GRM1: variants seen among roughly 807,000 people sequenced by gnomAD.
The protein encoded by GRM1 is glutamate metabotropic receptor 1.
In GRM1, 33 loss-of-function variants were observed where a neutral mutation model predicts 90.9. The observed-to-expected ratio is 0.36, with a 90% CI of 0.28 to 0.49. The LOEUF (loss-of-function observed/expected upper bound fraction) is 0.49. GRM1 is among the 20% of genes least tolerant of loss of function. GRM1 has a pLI of 0.99. For missense variants in GRM1, 1,190 were observed against 1,534.3 expected (o/e 0.78, Z 3.75); for synonymous variants, 700 against 613.2 (o/e 1.14, Z -2.09).
chr6:146,071,456 A>G (rs556630545), intron 1 of GRM1, among the ~76,000 whole-genome samples: 1 of 152,214 alleles, frequency 6.6e-6, no homozygotes, highest in Non-Finnish European at 1.5e-5. Context: ...CATGCTTAAT[A>G]TAGTTATATA....
chr6:146,403,303 T>G (rs569630070), intron 7 of GRM1, among the ~76,000 whole-genome samples: 50 of 152,232 alleles, frequency 3.3e-4, no homozygotes, highest in African/African-American at 1.0e-3. Context: ...CCTAGATAAA[T>G]AAAATCACTG....
chr6:146,298,308 G>C (rs1046203740), intron 2 of GRM1, among the ~76,000 whole-genome samples: 2 of 152,012 alleles, frequency 1.3e-5, no homozygotes, highest in Non-Finnish European at 2.9e-5. Context: ...CATAGCTCTT[G>C]CTTCCAGTCA....
intron 1 of GRM1, among the ~76,000 whole-genome samples, chr6:146,112,659 T>G (rs1454553804): frequency 6.6e-6 from 1 of 152,162 alleles, no homozygotes; most frequent in Non-Finnish European, 1.5e-5. Flanking sequence ...GATTTTTATA[T>G]TTTTCCTTTG....
intron 1 of GRM1, among the ~76,000 whole-genome samples, chr6:146,071,383 G>T (rs567797966): frequency 6.6e-6 from 1 of 152,272 alleles, no homozygotes; most frequent in South Asian, 2.1e-4. Context: ...AGAAATTCCA[G>T]ATAGAAATCT....
chr6:146,393,969 A>G (rs968583548), intron 6 of GRM1, among the ~76,000 whole-genome samples: 16 of 152,136 alleles, frequency 1.1e-4, no homozygotes, highest in Non-Finnish European at 2.4e-4. Context: ...ACACATCTAC[A>G]GCCATCTGAT....
chr6:146,434,870 G>A lies in GRM1; in HGVS notation c.*74G>A. 1 of 1,350,812 alleles carries A rather than the reference G, an allele frequency of 7.4e-7. No homozygotes were observed. The highest frequency in any genetic ancestry group is 1.2e-5 in the South Asian group (1 of 85,512). 83.7% of individuals were successfully genotyped at this position (1,350,812 alleles called of 1,614,324 possible). A position where few individuals can be genotyped will look rare whatever the true frequency, so the allele number is the denominator to read the frequency against. On this transcript the variant is annotated 3_prime_UTR_variant, in exon 8 of 8. Coordinates refer to ENST00000282753, the MANE Select transcript of GRM1 (RefSeq NM_001278064.2). ...ACCTCCAGAGATGTGCAAACAGCTGGGAGGAAAAGCCTGGGAGTGGGGGGC... is the reference window on the plus strand; with the variant it reads ...ACCTCCAGAGATGTGCAAACAGCTGAGAGGAAAAGCCTGGGAGTGGGGGGC...
chr6:146,028,595 C>G (rs1790587567), upstream of GRM1, among the ~76,000 whole-genome samples: 1 of 152,054 alleles, frequency 6.6e-6, no homozygotes, highest in South Asian at 2.1e-4. Context: ...AGCCTGACTT[C>G]TTACGGGGGA....
chr6:146,072,646 A>G (rs532215796), intron 1 of GRM1, among the ~76,000 whole-genome samples: 6 of 152,160 alleles, frequency 3.9e-5, no homozygotes, highest in Admixed American at 6.6e-5. Flanking sequence ...TATAGATTAT[A>G]TAGGAATATA....
At chr6:146,366,704 T>C (rs1775703171) in intron 5 of GRM1, among the ~76,000 whole-genome samples, 2 of 152,336 alleles carry the variant, frequency 1.3e-5, no homozygotes, top group South Asian at 4.1e-4. Flanking sequence ...TATCTTCTTT[T>C]GAGATATGTC....
intron 2 of GRM1, among the ~76,000 whole-genome samples, chr6:146,179,298 T>C (rs1402584398): frequency 1.3e-5 from 2 of 152,194 alleles, no homozygotes; most frequent in African/African-American, 2.4e-5. Context: ...TTACTTCATC[T>C]TGACTTTATC....
At chr6:146,088,961 G>T (rs1377685066) in intron 1 of GRM1, among the ~76,000 whole-genome samples, 1 of 152,088 alleles carries the variant, frequency 6.6e-6, no homozygotes, top group African/African-American at 2.4e-5. Flanking sequence ...TTTAGTGGAG[G>T]TGCAGACCCA....
At chr6:146,288,986 A>G (rs1782876363) in intron 2 of GRM1, among the ~76,000 whole-genome samples, 1 of 152,224 alleles carries the variant, frequency 6.6e-6, no homozygotes, top group Admixed American at 6.5e-5. Flanking sequence ...TCAATTGTAT[A>G]AAAGTGTAAC....
intron 6 of GRM1, among the ~76,000 whole-genome samples, chr6:146,393,494 T>A (rs1776807651): frequency 6.6e-6 from 1 of 152,166 alleles, no homozygotes; most frequent in Non-Finnish European, 1.5e-5. Context: ...TTCACTCTGA[T>A]GATAGTTTCT....
chr6:146,142,060 G>T (rs1040059696), intron 1 of GRM1, among the ~76,000 whole-genome samples: 1 of 152,182 alleles, frequency 6.6e-6, no homozygotes, highest in Admixed American at 6.5e-5. Context: ...AGGGACTTGG[G>T]TGTTGTTATC....
chr6:146,398,244 A>G (rs749351959), intron 6 of GRM1, among the ~76,000 whole-genome samples: 1 of 152,240 alleles, frequency 6.6e-6, no homozygotes, highest in Non-Finnish European at 1.5e-5. Context: ...AGGAAACAGG[A>G]GAATGCAGAT....
chr6:146,306,636 T>C (rs1044000842), intron 3 of GRM1, among the ~76,000 whole-genome samples: 3 of 152,156 alleles, frequency 2.0e-5, no homozygotes, highest in African/African-American at 4.8e-5. Flanking sequence ...TCAGTTAATT[T>C]ACATTTTCAT....
intron 3 of GRM1, among the ~76,000 whole-genome samples, chr6:146,337,569 G>A (rs1490016692): frequency 6.6e-6 from 1 of 152,062 alleles, no homozygotes; most frequent in Non-Finnish European, 1.5e-5. Flanking sequence ...CACACGACTT[G>A]GCCTTCTCAT....
chr6:146,159,677 A>C, intron 2 of GRM1, 80 bp downstream of exon 2: 1 of 1,418,404 alleles, frequency 7.1e-7, no homozygotes, highest in South Asian at 1.2e-5. Flanking sequence ...TTTGAAACAC[A>C]TATGCTTGCT....
At chr6:146,164,619 G>T (rs1303679022) in intron 2 of GRM1, among the ~76,000 whole-genome samples, 2 of 152,076 alleles carry the variant, frequency 1.3e-5, no homozygotes, top group African/African-American at 4.8e-5. Flanking sequence ...CATTTAGGTT[G>T]TCTTATTTGT....
Sources: allele counts gnomAD v4.1 joint callset (sites outside exome capture counted in the v4.1 genomes callset), GRCh38; gene constraint gnomAD v4.1.1; transcripts MANE v1.5; gene names NCBI Gene and HGNC (gene_info 2026-07-23, HGNC 2026-07-21).